The following TOP1 variants were observed in gnomAD, a reference collection of about 807,000 sequenced individuals.
The protein encoded by TOP1 is DNA topoisomerase I.
Under a neutral mutation model 111.1 loss-of-function variants are expected in TOP1, and 10 were observed. That is an observed-to-expected ratio of 0.09 (90% CI 0.06 to 0.15). The LOEUF is 0.15. Ranked by LOEUF, TOP1 falls within the 10% of genes least tolerant of loss-of-function variation. The pLI, the probability that TOP1 is intolerant of heterozygous loss-of-function variation, is 1.00. For missense variants in TOP1, 474 were observed against 926.7 expected (o/e 0.51, Z 6.34); for synonymous variants, 271 against 302.9 (o/e 0.89, Z 1.10).
At chr20:41,093,911 A>G (rs1445421614) in intron 9 of TOP1, among the ~76,000 whole-genome samples, 1 of 152,200 alleles carries the variant, frequency 6.6e-6, no homozygotes, top group East Asian at 1.9e-4. Flanking sequence ...TTATTAGCCA[A>G]GTGTGGTGGT....
intron 2 of TOP1, among the ~76,000 whole-genome samples, chr20:41,037,052 G>C (rs533553496): frequency 6.6e-6 from 1 of 151,940 alleles, no homozygotes; most frequent in Non-Finnish European, 1.5e-5. Flanking sequence ...GGATGGTCTC[G>C]ATCTCCTGAC....
Position 41,116,142 on chromosome 20 carries a change from T to G in TOP1, c.1708-136T>G. 1 of 609,194 alleles carries G rather than the reference T, an allele frequency of 1.6e-6. No individual in the cohort carries two copies. Among genetic ancestry groups the G allele is most frequent in the Non-Finnish European group, 3.0e-6 (1 of 338,846 alleles). The allele number at this position is 609,194 out of a possible 1,614,324, so 37.7% of individuals were successfully genotyped here. On this transcript the variant is annotated intron_variant, in intron 16 of 20. Coordinates refer to ENST00000361337, the MANE Select transcript of TOP1 (RefSeq NM_003286.4). This position sits in a 1 kb window ranked among gnomAD's most constrained non-coding sequence, Gnocchi z 5.6. ...ACCCTGTATTCTGGAATTCTTTTCCTCTTTCCCTAACTTCCCACTTGTAGG... is the reference window on the plus strand; with the variant it reads ...ACCCTGTATTCTGGAATTCTTTTCCGCTTTCCCTAACTTCCCACTTGTAGG...
chr20:41,059,266 C>T (rs1159172504), intron 2 of TOP1, among the ~76,000 whole-genome samples: 1 of 151,730 alleles, frequency 6.6e-6, no homozygotes, highest in Non-Finnish European at 1.5e-5. Flanking sequence ...AACAAACCTC[C>T]ATGACACGAG....
Position 41,097,390 on chromosome 20 carries a change from G to A in TOP1, c.852+49G>A, listed in dbSNP as rs779112557. ...TCCTAGTACCTTGCAAAACAATCAA[G>A]TACTAAGTAATAAATTATCATTTTG... is the stretch of plus-strand genomic sequence containing the variant. On this transcript the variant is annotated intron_variant, in intron 10 of 20. Transcript: ENST00000361337. This position sits in a 1 kb window ranked among gnomAD's most constrained non-coding sequence, Gnocchi z 4.2. 5 of 1,509,642 alleles carry A rather than the reference G, an allele frequency of 3.3e-6. No homozygotes were observed. The highest frequency in any genetic ancestry group is 1.8e-6 in the Non-Finnish European group (2 of 1,122,356). 93.5% of individuals were successfully genotyped at this position (1,509,642 alleles called of 1,614,324 possible).
At chr20:41,066,253 TAA>T (rs147532568) in intron 3 of TOP1, among the ~76,000 whole-genome samples, 9 of 143,464 alleles carry the variant, frequency 6.3e-5, no homozygotes, top group Non-Finnish European at 7.7e-5. Flanking sequence ...AATCTTCTCT[TAA>T]AAAAAAAAAA....
At chr20:41,051,579 G>A (rs993334744) in intron 2 of TOP1, among the ~76,000 whole-genome samples, 1 of 152,154 alleles carries the variant, frequency 6.6e-6, no homozygotes, top group East Asian at 1.9e-4. Flanking sequence ...AGCTAAACAG[G>A]CATATGTGCT....
chr20:41,040,767 C>G (rs2033253074), intron 2 of TOP1, among the ~76,000 whole-genome samples: 1 of 138,854 alleles, frequency 7.2e-6, no homozygotes, highest in Admixed American at 7.6e-5. Context: ...GATGGCACCA[C>G]TGCACTTCAG....
chr20:41,067,456 G>A lies in TOP1; in HGVS notation c.155+5966G>A, dbSNP rs551607766. ...TTATATACACTGTGATCCTTTTAAA[G>A]TACCTCTGATCTTTTTAAATAGTTT... On this transcript the variant is annotated intron_variant, in intron 3 of 20. Coordinates refer to ENST00000361337, the MANE Select transcript of TOP1 (RefSeq NM_003286.4). This position sits in a 1 kb window ranked among gnomAD's most constrained non-coding sequence, Gnocchi z 4.0. Among the ~76,000 whole-genome samples, 12 of 152,238 alleles carry A rather than the reference G, an allele frequency of 7.9e-5. No homozygotes were observed. Among genetic ancestry groups the A allele is most frequent in the Admixed American group, 7.2e-4 (11 of 15,290 alleles).
Position 41,123,338 on chromosome 20 carries a change from G to T in TOP1, c.*41G>T, listed in dbSNP as rs777158036. ...AGAGTTCTGTGAAGAGGAACAGTGT[G>T]GTTTGGGAAAGATGGATAAACTGAG... On this transcript the variant is annotated 3_prime_UTR_variant, in exon 21 of 21. Transcript: ENST00000361337. The surrounding 1 kb of genome is among the most constrained non-coding windows in gnomAD (Gnocchi z 5.8). The T allele has an allele frequency of 1.5e-5, 23 of 1,485,160 alleles. No individual in the cohort carries two copies. The Admixed American group carries it at 3.4e-4, about 22-fold the overall frequency. The allele number at this position is 1,485,160 out of a possible 1,614,324, so 92.0% of individuals were successfully genotyped here.
intron 3 of TOP1, chr20:41,072,378 G>A (rs2033678243): frequency 1.0e-6 from 1 of 985,294 alleles, no homozygotes; most frequent in South Asian, 4.7e-5. Flanking sequence ...GGAAAGTACA[G>A]TTCTTTAGCT....
chr20:41,073,426 C>T, intron 3 of TOP1: 1 of 984,436 alleles, frequency 1.0e-6, no homozygotes, highest in Non-Finnish European at 1.2e-6. Context: ...CAAGCAACCC[C>T]AAAGGTTTTT....
chr20:41,052,762 A>G (rs1432285744), intron 2 of TOP1, among the ~76,000 whole-genome samples: 1 of 152,142 alleles, frequency 6.6e-6, no homozygotes, highest in Non-Finnish European at 1.5e-5. Context: ...AGGCCAAGGC[A>G]GGTATATCAC....
intron 2 of TOP1, among the ~76,000 whole-genome samples, chr20:41,042,940 A>C (rs1014753721): frequency 6.6e-6 from 1 of 152,178 alleles, no homozygotes. Flanking sequence ...CTTCATCCTC[A>C]TTGTCTTGTT....
chr20:41,100,058 A>C lies in TOP1; in HGVS notation c.978A>C (p.Lys326Asn). Reference protein sequence around the residue: ...RKQMSKEEKLKIKEENEKLLK... With the variant: ...RKQMSKEEKLNIKEENEKLLK... ...AGTACTTTCTTGCTGTCTTCCAGAA[A>C]ATCAAAGAGGAGAATGAAAAATTAC... is the stretch of plus-strand genomic sequence containing the variant. Residue 326 changes from lysine to asparagine, a missense_variant and splice_region_variant, in exon 12 of 21, where the codon AAA becomes AAC. Transcript: ENST00000361337. This position sits in a 1 kb window ranked among gnomAD's most constrained non-coding sequence, Gnocchi z 4.4. The C allele has an allele frequency of 6.2e-7, 1 of 1,606,156 alleles. No individual in the cohort carries two copies. The highest frequency in any genetic ancestry group is 1.1e-5 in the South Asian group (1 of 90,594).
intron 3 of TOP1, 122 bp from the exon 4 acceptor site, chr20:41,076,049 G>T (rs1364436821): frequency 1.0e-6 from 1 of 978,092 alleles, no homozygotes; most frequent in African/African-American, 1.6e-5. Flanking sequence ...TGAACCTTCT[G>T]TCGGTACTGT....
At chr20:41,036,379 G>A (rs1340853091) in intron 2 of TOP1, among the ~76,000 whole-genome samples, 3 of 152,122 alleles carry the variant, frequency 2.0e-5, no homozygotes, top group Admixed American at 2.0e-4. Context: ...CCGAAAAATC[G>A]AGATAAGTCC....
Position 41,100,567 on chromosome 20 carries a change from A to G in TOP1, c.1163+324A>G, listed in dbSNP as rs772282293. On this transcript the variant is annotated intron_variant, in intron 12 of 20. Transcript: ENST00000361337. The surrounding 1 kb of genome is among the most constrained non-coding windows in gnomAD (Gnocchi z 4.4). ...TAAGTACTTATCACATAGAGTGGCTATAACTTTTGCAGTCTGAGGCACAAC... is the reference window on the plus strand; with the variant it reads ...TAAGTACTTATCACATAGAGTGGCTGTAACTTTTGCAGTCTGAGGCACAAC... 1.8e-5 allele frequency: 4 copies of G among 223,272 alleles called. No individual in the cohort carries two copies. The highest frequency in any genetic ancestry group is 2.6e-5 in the Non-Finnish European group (3 of 114,214). 13.8% of individuals were successfully genotyped at this position (223,272 alleles called of 1,614,324 possible).
intron 3 of TOP1, among the ~76,000 whole-genome samples, chr20:41,064,081 T>C (rs1418072504): frequency 6.6e-6 from 1 of 152,226 alleles, no homozygotes; most frequent in Non-Finnish European, 1.5e-5. Flanking sequence ...TTGAATTGAT[T>C]TTTGTATGTG....
intron 2 of TOP1, among the ~76,000 whole-genome samples, chr20:41,033,550 T>C (rs1475943263): frequency 3.3e-5 from 5 of 151,882 alleles, no homozygotes; most frequent in African/African-American, 9.7e-5. Flanking sequence ...GGTGGGGAGG[T>C]GCAAAAAAAT....
Sources: allele counts gnomAD v4.1 joint callset (sites outside exome capture counted in the v4.1 genomes callset), GRCh38; gene constraint gnomAD v4.1.1; non-coding constraint Gnocchi (gnomAD v3.1); transcripts MANE v1.5; gene names NCBI Gene and HGNC (gene_info 2026-07-23, HGNC 2026-07-21).